AFG1L: variants seen among roughly 807,000 people sequenced by gnomAD.
AFG1L encodes the protein AFG1 like ATPase.
AFG1L carries 53 observed loss-of-function variants against 62.2 expected under a neutral mutation model. The observed-to-expected ratio is 0.85, with a 90% CI of 0.68 to 1.07. The LOEUF (loss-of-function observed/expected upper bound fraction) is 1.07. AFG1L is among the 50% of genes least tolerant of loss of function. The pLI, the probability that AFG1L is intolerant of heterozygous loss-of-function variation, is 0.00. For missense variants in AFG1L, 555 were observed against 590.5 expected, an observed-to-expected ratio of 0.94 and a Z score of 0.62; for synonymous variants, 228 against 210.3, an observed-to-expected ratio of 1.08 and a Z score of -0.73.
At chr6:108,428,136 A>G (rs1189353218) in intron 7 of AFG1L, among the ~76,000 whole-genome samples, 1 of 152,118 alleles carries the variant, frequency 6.6e-6, no homozygotes, top group Admixed American at 6.5e-5. Context: ...AATGTCCATT[A>G]TATCACTGTC....
chr6:108,451,297 C>G (rs1397755018), intron 8 of AFG1L, among the ~76,000 whole-genome samples: 1 of 152,046 alleles, frequency 6.6e-6, no homozygotes, highest in Non-Finnish European at 1.5e-5. Context: ...TCTGATTTCC[C>G]AACACCAATT....
At chr6:108,366,484 T>C in intron 6 of AFG1L, 152 bp downstream of exon 6, 1 of 494,608 alleles carries the variant, frequency 2.0e-6, no homozygotes, top group Non-Finnish European at 3.6e-6. Context: ...GAAAAATCAG[T>C]TGGTATTTGC....
At chr6:108,500,300 G>T (rs976240930) in intron 10 of AFG1L, among the ~76,000 whole-genome samples, 1 of 151,384 alleles carries the variant, frequency 6.6e-6, no homozygotes, top group African/African-American at 2.4e-5. Flanking sequence ...GTGCCCAGCC[G>T]ATATATTTCA....
At chr6:108,520,142 G>A (rs768074925) in intron 12 of AFG1L, 3 of 221,136 alleles carry the variant, frequency 1.4e-5, no homozygotes, top group East Asian at 1.2e-4. Context: ...ACCTGTGCCC[G>A]GTTCTGGGCT....
intron 8 of AFG1L, among the ~76,000 whole-genome samples, chr6:108,464,454 A>G (rs1472401243): frequency 1.3e-5 from 2 of 152,284 alleles, no homozygotes; most frequent in South Asian, 2.1e-4. Flanking sequence ...AAAATAAATC[A>G]TGATTCTCAT....
At chr6:108,297,502 T>TG (rs550387997) in intron 1 of AFG1L, among the ~76,000 whole-genome samples, 102 of 152,184 alleles carry the variant, frequency 6.7e-4, no homozygotes, top group East Asian at 2.5e-3. Flanking sequence ...CCTGTTTTTT[T>TG]GGGGGGGTAC....
Position 108,447,205 on chromosome 6 carries a change from G to A in AFG1L, c.808-9G>A. The A allele has an allele frequency of 6.7e-7, 1 of 1,499,180 alleles. No homozygotes were observed. Among genetic ancestry groups the A allele is most frequent in the Non-Finnish European group, 9.3e-7 (1 of 1,080,508 alleles). 92.9% of individuals were successfully genotyped at this position (1,499,180 alleles called of 1,614,324 possible). ...GTTTAAAAAGGCACTTCATTTGTTT[G>A]GATTGTAGGAATATTGTAATACAGT... On this transcript the variant is annotated splice_polypyrimidine_tract_variant and intron_variant, in intron 7 of 12. Transcript: ENST00000368977.
At chr6:108,456,284 T>C (rs550522102) in intron 8 of AFG1L, among the ~76,000 whole-genome samples, 23 of 152,242 alleles carry the variant, frequency 1.5e-4, no homozygotes, top group South Asian at 6.2e-4. Context: ...ATGTCTTTTC[T>C]CATCTTTTTT....
At position 108,324,007 on chromosome 6, in the gene AFG1L, C is replaced by A; in HGVS notation, c.322C>A (p.Leu108Ile). 6.2e-7 allele frequency: 1 copy of A among 1,614,022 alleles called. No individual in the cohort carries two copies. The highest frequency in any genetic ancestry group is 1.1e-5 in the South Asian group (1 of 91,072). ...GTGTTTGCAGAAATTACACGAGGACCTTAAAGGATACAATATAGAGGCAGA... is the reference window on the plus strand; with the variant it reads ...GTGTTTGCAGAAATTACACGAGGACATTAAAGGATACAATATAGAGGCAGA... ...IQCLQKLHED[L>I]KGYNIEAEGL... Residue 108 changes from leucine (L) to isoleucine (I), a missense_variant, in exon 2 of 13, where the codon CTT (leucine) becomes ATT (isoleucine). Physicochemically the swap from Leu to Ile is conservative, Grantham distance 5. Transcript: ENST00000368977.
Position 108,459,411 on chromosome 6 carries a change from C to T in AFG1L, c.890+12115C>T, listed in dbSNP as rs374513674. Reference sequence around the variant, plus strand: ...GATTTGTTTCCCTTTCCCTGGGGATCGCTGTACTGTGCTTTTTGTTATCCA... The same window carrying T: ...GATTTGTTTCCCTTTCCCTGGGGATTGCTGTACTGTGCTTTTTGTTATCCA... On this transcript the variant is annotated intron_variant, in intron 8 of 12. Coordinates refer to ENST00000368977, the MANE Select transcript of AFG1L (RefSeq NM_145315.5). Among the ~76,000 whole-genome samples the T allele has an allele frequency of 1.5e-3, 230 of 152,276 alleles. 1 individual carries two copies. The highest frequency in any genetic ancestry group is 5.2e-3 in the African/African-American group (215 of 41,556).
At chr6:108,398,619 AT>A (rs1781418706) in intron 6 of AFG1L, among the ~76,000 whole-genome samples, 1 of 151,952 alleles carries the variant, frequency 6.6e-6, no homozygotes. Flanking sequence ...TTTTTATTTT[AT>A]TTTTCTATAA....
intron 10 of AFG1L, among the ~76,000 whole-genome samples, chr6:108,493,094 C>G (rs1773835158): frequency 6.6e-6 from 1 of 152,146 alleles, no homozygotes; most frequent in African/African-American, 2.4e-5. Flanking sequence ...TTGTGCTGTT[C>G]CTGTTTTTCT....
rs115822240 is a variant in AFG1L, at chr6:108,342,782, G to A, written c.364-4206G>A. Among the ~76,000 whole-genome samples the A allele has an allele frequency of 8.2e-3, 1,254 of 152,114 alleles. 24 individuals carry two copies. Among genetic ancestry groups the A allele is most frequent in the African/African-American group, 0.028 (1,174 of 41,520 alleles). On this transcript the variant is annotated intron_variant, in intron 2 of 12. Coordinates refer to ENST00000368977, the MANE Select transcript of AFG1L (RefSeq NM_145315.5). ...ACTATGTCTGTGTCTAATGATTCTC[G>A]TTAGGAGGGTATTCATTTTGTTGAT...
chr6:108,301,005 A>G (rs142219313), intron 1 of AFG1L, among the ~76,000 whole-genome samples: 108 of 152,272 alleles, frequency 7.1e-4, no homozygotes, highest in African/African-American at 2.5e-3. Context: ...TTAGATGAAT[A>G]TCTTTATGTG....
intron 10 of AFG1L, among the ~76,000 whole-genome samples, chr6:108,485,387 T>A (rs1773497611): frequency 6.6e-6 from 1 of 151,856 alleles, no homozygotes; most frequent in South Asian, 2.1e-4. Context: ...CCAGAGGGTC[T>A]CAATGGAAGA....
At chr6:108,343,515 A>C (rs1778758772) in intron 2 of AFG1L, among the ~76,000 whole-genome samples, 1 of 152,196 alleles carries the variant, frequency 6.6e-6, no homozygotes, top group South Asian at 2.1e-4. Flanking sequence ...TATTGTGAAG[A>C]ATTATGAATT....
intron 2 of AFG1L, among the ~76,000 whole-genome samples, chr6:108,328,110 T>G (rs902177632): frequency 6.6e-6 from 1 of 152,182 alleles, no homozygotes; most frequent in Non-Finnish European, 1.5e-5. Flanking sequence ...CCAAAAAATT[T>G]GAAAAATATA....
intron 11 of AFG1L, among the ~76,000 whole-genome samples, chr6:108,513,495 C>T (rs1774750165): frequency 6.6e-6 from 1 of 152,228 alleles, no homozygotes; most frequent in Non-Finnish European, 1.5e-5. Flanking sequence ...GGGTTCTACA[C>T]CCACAGAGCC....
intron 8 of AFG1L, among the ~76,000 whole-genome samples, chr6:108,463,977 C>G (rs1421522148): frequency 2.0e-5 from 3 of 152,144 alleles, no homozygotes; most frequent in Non-Finnish European, 2.9e-5. Flanking sequence ...TGAGAAGGCT[C>G]ACTGCCAGGG....
Sources: gnomAD v4.1 joint callset for allele counts (sites outside exome capture counted in the v4.1 genomes callset) on GRCh38, gnomAD v4.1.1 for gene constraint, MANE v1.5 for transcripts, NCBI Gene and HGNC (gene_info 2026-07-23, HGNC 2026-07-21) for gene names.